SLC24A2: variants seen among roughly 807,000 people sequenced by gnomAD.
SLC24A2 encodes the protein sodium/potassium/calcium exchanger 2.
SLC24A2 carries 36 observed loss-of-function variants against 62.0 expected under a neutral mutation model. The observed-to-expected ratio is 0.58, with a 90% CI of 0.44 to 0.77. The LOEUF is 0.77. Ranked by LOEUF, SLC24A2 falls within the 30% of genes least tolerant of loss-of-function variation. The pLI is 0.00. For synonymous variants in SLC24A2, 358 were observed against 294.0 expected (o/e 1.22, Z -2.23); for missense variants, 846 against 817.9 (o/e 1.03, Z -0.42).
At position 19,509,473 on chromosome 9, in the gene SLC24A2, C is replaced by T. The variant is rs372897925; in HGVS notation, c.*6680G>A. The T allele has an allele frequency of 3.9e-5, 6 of 151,902 alleles. No individual in the cohort carries two copies. The highest frequency in any genetic ancestry group is 1.2e-4 in the African/African-American group (5 of 41,440). The allele number at this position is 151,902 out of a possible 1,614,324, so 9.4% of individuals were successfully genotyped here. ...TTATTGATTGACTATATTCAGAAGC[C>T]CTGAATATATGTATTATTGGTATTT... On this transcript the variant is annotated 3_prime_UTR_variant, in exon 11 of 11. Coordinates refer to ENST00000341998, the MANE Select transcript of SLC24A2 (RefSeq NM_020344.4).
At chr9:20,277,727 C>G in the SLC24A2 span, among the ~76,000 whole-genome samples, 1 of 152,218 alleles carries the variant, frequency 6.6e-6, no homozygotes, top group South Asian at 2.1e-4. Context: ...CCCAGCCATC[C>G]CATTACTGGT....
intron 7 of SLC24A2, among the ~76,000 whole-genome samples, chr9:19,562,678 C>A (rs1414629992): frequency 6.6e-6 from 1 of 152,228 alleles, no homozygotes; most frequent in East Asian, 1.9e-4. Flanking sequence ...AAATGGAACC[C>A]ATGTGCCAAG....
chr9:19,621,351 T>C (rs956642299), intron 3 of SLC24A2, among the ~76,000 whole-genome samples: 10 of 152,212 alleles, frequency 6.6e-5, no homozygotes, highest in Admixed American at 6.5e-4. Flanking sequence ...GTTCTGGTAC[T>C]GGATCAGGTG....
chr9:20,161,821 T>C, the SLC24A2 span, among the ~76,000 whole-genome samples: 1 of 151,306 alleles, frequency 6.6e-6, no homozygotes, highest in Non-Finnish European at 1.5e-5. Context: ...TGTATCTACA[T>C]ATATATCTTA....
At chr9:20,021,203 A>AG in the SLC24A2 span, among the ~76,000 whole-genome samples, 6 of 152,180 alleles carry the variant, frequency 3.9e-5, no homozygotes, top group Admixed American at 1.3e-4. Flanking sequence ...ACAAAAGGCA[A>AG]GGAAGGTAAA....
the SLC24A2 span, among the ~76,000 whole-genome samples, chr9:20,180,683 G>T: frequency 6.6e-6 from 1 of 152,062 alleles, no homozygotes; most frequent in Admixed American, 6.6e-5. Flanking sequence ...CATAAGTTTT[G>T]CTATCTGGTT....
intron 2 of SLC24A2, among the ~76,000 whole-genome samples, chr9:19,751,022 G>C (rs1054820409): frequency 3.3e-5 from 5 of 152,156 alleles, no homozygotes; most frequent in African/African-American, 1.2e-4. Context: ...AGCATTCTGT[G>C]CCTGCCTTCA....
At chr9:20,080,859 CA>C in the SLC24A2 span, among the ~76,000 whole-genome samples, 16 of 151,940 alleles carry the variant, frequency 1.1e-4, no homozygotes, top group Admixed American at 7.2e-4. Context: ...TTTATGCAGC[CA>C]AAAGACACAT....
chr9:19,796,195 A>T, the SLC24A2 span, among the ~76,000 whole-genome samples: 3 of 151,766 alleles, frequency 2.0e-5, no homozygotes, highest in Non-Finnish European at 4.4e-5. Context: ...TGGGTGCAGC[A>T]CACCAACATG....
intron 10 of SLC24A2, among the ~76,000 whole-genome samples, 155 bp downstream of exon 10, chr9:19,520,739 G>C (rs951318743): frequency 5.3e-5 from 8 of 152,004 alleles, no homozygotes; most frequent in African/African-American, 1.9e-4. Flanking sequence ...ATGAGAAATA[G>C]AATTGGGGAA....
the SLC24A2 span, among the ~76,000 whole-genome samples, chr9:19,949,886 A>G: frequency 6.6e-6 from 1 of 152,212 alleles, no homozygotes; most frequent in African/African-American, 2.4e-5. Flanking sequence ...CATGTTTATG[A>G]AAGAGGTGGT....
At chr9:20,143,040 G>C in the SLC24A2 span, among the ~76,000 whole-genome samples, 1 of 152,190 alleles carries the variant, frequency 6.6e-6, no homozygotes, top group Non-Finnish European at 1.5e-5. Context: ...TATAAACTGA[G>C]GCTCAGAGTC....
intron 2 of SLC24A2, among the ~76,000 whole-genome samples, chr9:19,638,953 C>G (rs1325049853): frequency 4.7e-5 from 1 of 21,268 alleles, no homozygotes; most frequent in Admixed American, 6.5e-4. Context: ...TCCTGAATTG[C>G]TCTGAAGCTT....
chr9:19,648,135 G>A (rs768334900), intron 2 of SLC24A2, among the ~76,000 whole-genome samples: 2 of 152,144 alleles, frequency 1.3e-5, no homozygotes, highest in Non-Finnish European at 2.9e-5. Flanking sequence ...ATTAGTTTAC[G>A]CAATAGACTA....
At chr9:19,990,611 AAAAACAAAAAAAAAAAAAC>A in the SLC24A2 span, among the ~76,000 whole-genome samples, 1 of 100,024 alleles carries the variant, frequency 1.0e-5, no homozygotes, top group Admixed American at 8.8e-5. Flanking sequence ...CTCCACCTAA[AAAAACAAAAAAAAAAAAAC>A]AAAACAAAAA....
At chr9:20,021,346 G>GATTTATATATATAT in the SLC24A2 span, among the ~76,000 whole-genome samples, 1 of 151,250 alleles carries the variant, frequency 6.6e-6, no homozygotes, top group Non-Finnish European at 1.5e-5. Context: ...TTGTGGGACA[G>GATTTATATATATAT]ATTTATATAT....
rs1491510974 is a variant in SLC24A2 at position 19,636,330 on chromosome 9, T to TTCTTTTCTTTTC, written c.931-14032_931-14031insGAAAAGAAAAGA. Among the ~76,000 whole-genome samples the TTCTTTTCTTTTC allele has an allele frequency of 3.0e-3, 91 of 30,204 alleles. 3 individuals are homozygous for TTCTTTTCTTTTC. The highest frequency in any genetic ancestry group is 4.2e-3 in the Non-Finnish European group (62 of 14,700). 19.8% of individuals were successfully genotyped at this position (30,204 alleles called of 152,430 possible). On this transcript the variant is annotated intron_variant, in intron 2 of 10. Transcript: ENST00000341998. ...TTTTCTTTTCTTTTCTTTCTTTCTTTCTTTCTTTCTTTCTTTCTTTCTTTC... is the reference window on the plus strand; with the variant it reads ...TTTTCTTTTCTTTTCTTTCTTTCTTTTCTTTTCTTTTCCTTTCTTTCTTTCTTTCTTTCTTTC...
the SLC24A2 span, among the ~76,000 whole-genome samples, chr9:20,057,672 A>T: frequency 1.3e-5 from 2 of 152,222 alleles, no homozygotes; most frequent in Non-Finnish European, 2.9e-5. Context: ...ACATATGTGC[A>T]ATCTATTATT....
the SLC24A2 span, among the ~76,000 whole-genome samples, chr9:20,065,303 T>G: frequency 6.6e-6 from 1 of 152,200 alleles, no homozygotes; most frequent in Non-Finnish European, 1.5e-5. Flanking sequence ...GGGTCTCACT[T>G]GTGAATCAAA....
Sources: gnomAD v4.1 joint callset for allele counts (sites outside exome capture counted in the v4.1 genomes callset) on GRCh38, gnomAD v4.1.1 for gene constraint, MANE v1.5 for transcripts, NCBI Gene and HGNC (gene_info 2026-07-23, HGNC 2026-07-21) for gene names.